Variants in ENTREP2 observed in about 807,000 individuals in gnomAD.
ENTREP2 encodes endosomal transmembrane epsin interactor 2.
At chr15:29,363,800 T>C in the ENTREP2 span, among the ~76,000 whole-genome samples, 4 of 152,324 alleles carry the variant, frequency 2.6e-5, no homozygotes, top group East Asian at 5.8e-4. Flanking sequence ...CATTTATACT[T>C]ATGCATAAAG....
the ENTREP2 span, among the ~76,000 whole-genome samples, chr15:29,171,904 G>A: frequency 1.2e-4 from 19 of 152,240 alleles, no homozygotes; most frequent in Middle Eastern, 3.4e-3. Flanking sequence ...AATCCTGAAC[G>A]GTAAGGTCTA....
the ENTREP2 span, among the ~76,000 whole-genome samples, chr15:29,304,012 C>G: frequency 1.3e-5 from 2 of 152,110 alleles, no homozygotes; most frequent in Non-Finnish European, 2.9e-5. Flanking sequence ...TCCCAAGTAG[C>G]TGGGACTACA....
At chr15:29,269,227 G>A in the ENTREP2 span, 4 of 1,614,124 alleles carry the variant, frequency 2.5e-6, no homozygotes, top group Non-Finnish European at 3.4e-6. Context: ...CTCCTCCACA[G>A]GCTCCAGGGT....
the ENTREP2 span, among the ~76,000 whole-genome samples, chr15:29,333,170 A>G: frequency 1.3e-5 from 2 of 152,104 alleles, no homozygotes; most frequent in East Asian, 3.9e-4. Context: ...GACATGAAGA[A>G]ATGGCTATGG....
chr15:29,191,517 AAGAC>A, the ENTREP2 span, among the ~76,000 whole-genome samples: 2 of 152,150 alleles, frequency 1.3e-5, no homozygotes, highest in African/African-American at 4.8e-5. Context: ...AAAAAAGACA[AAGAC>A]AGAAGGAGCC....
chr15:29,439,964 G>A, the ENTREP2 span, among the ~76,000 whole-genome samples: 559 of 152,250 alleles, frequency 3.7e-3, 4 homozygotes, highest in African/African-American at 0.013. Flanking sequence ...TACCTCTGTG[G>A]TGGTCTTCCT....
the ENTREP2 span, among the ~76,000 whole-genome samples, chr15:29,607,304 C>CTTTTTTTTTT: frequency 2.3e-5 from 3 of 131,796 alleles, no homozygotes; most frequent in African/African-American, 2.9e-5. Flanking sequence ...CTCTTCATTT[C>CTTTTTTTTTT]TTTTTTTTTT....
At chr15:29,491,869 T>C in the ENTREP2 span, among the ~76,000 whole-genome samples, 1 of 152,228 alleles carries the variant, frequency 6.6e-6, no homozygotes, top group Admixed American at 6.5e-5. Context: ...CACACCCTTC[T>C]GATTGACACT....
chr15:29,426,957 C>T, the ENTREP2 span, among the ~76,000 whole-genome samples: 19 of 152,124 alleles, frequency 1.2e-4, no homozygotes, highest in African/African-American at 4.3e-4. Context: ...TGGCTTTGAC[C>T]TACTGTCTGC....
chr15:29,442,132 G>A, the ENTREP2 span, among the ~76,000 whole-genome samples: 5 of 152,328 alleles, frequency 3.3e-5, no homozygotes, highest in African/African-American at 7.2e-5. Context: ...TAATGGAAGC[G>A]TTTGCACACA....
the ENTREP2 span, among the ~76,000 whole-genome samples, chr15:29,368,337 A>AAAT: frequency 1.4e-5 from 2 of 146,100 alleles, no homozygotes; most frequent in East Asian, 2.1e-4. Context: ...CAAAAAAAAA[A>AAAT]ATATATATAT....
At chr15:29,566,310 C>A in the ENTREP2 span, among the ~76,000 whole-genome samples, 1 of 151,764 alleles carries the variant, frequency 6.6e-6, no homozygotes, top group South Asian at 2.1e-4. Flanking sequence ...AGGCACCTGC[C>A]ACCACGCCCA....
the ENTREP2 span, among the ~76,000 whole-genome samples, chr15:29,351,299 T>C: frequency 1.3e-4 from 20 of 152,246 alleles, no homozygotes; most frequent in Admixed American, 2.6e-4. Context: ...TAAAATGTGA[T>C]ACAATACCAC....
the ENTREP2 span, among the ~76,000 whole-genome samples, chr15:29,438,407 G>A: frequency 9.8e-5 from 15 of 152,296 alleles, no homozygotes; most frequent in Middle Eastern, 3.4e-3. Context: ...TGAGGAAAAG[G>A]TCATGTTCTC....
chr15:29,634,525 A>G, the ENTREP2 span, among the ~76,000 whole-genome samples: 43,389 of 152,172 alleles, frequency 0.29, 9,324 homozygotes, highest in African/African-American at 0.61. Context: ...CCAAATGTGC[A>G]GGGATTTCTC....
chr15:29,379,848 A>G, the ENTREP2 span, among the ~76,000 whole-genome samples: 2 of 151,750 alleles, frequency 1.3e-5, no homozygotes, highest in African/African-American at 2.4e-5. Context: ...TCACACACCC[A>G]CTCTGCGGAA....
At chr15:29,206,432 G>A in the ENTREP2 span, among the ~76,000 whole-genome samples, 1 of 152,060 alleles carries the variant, frequency 6.6e-6, no homozygotes, top group Admixed American at 6.6e-5. Context: ...CCCTTATGCT[G>A]GTGATGCTCA....
the ENTREP2 span, among the ~76,000 whole-genome samples, chr15:29,153,116 G>T: frequency 1.3e-5 from 2 of 150,248 alleles, no homozygotes; most frequent in South Asian, 4.2e-4. Flanking sequence ...CATGTTTTTT[G>T]CCCATTTTCT....
the ENTREP2 span, among the ~76,000 whole-genome samples, chr15:29,423,620 T>G: frequency 9.5e-6 from 1 of 105,432 alleles, no homozygotes; most frequent in Non-Finnish European, 1.9e-5. Context: ...ACCCCATCTC[T>G]ACTAAAAATA....
Sources: allele counts gnomAD v4.1 joint callset (sites outside exome capture counted in the v4.1 genomes callset), GRCh38; gene constraint gnomAD v4.1.1; transcripts MANE v1.5; gene names NCBI Gene and HGNC (gene_info 2026-07-23, HGNC 2026-07-21).